CNOT3: variants seen among roughly 807,000 people sequenced by gnomAD.
CNOT3 encodes the protein CCR4-associated factor 3.
CNOT3 carries 2 observed loss-of-function variants against 89.4 expected under a neutral mutation model. The observed-to-expected ratio is 0.02, with a 90% confidence interval of 0.01 to 0.07. CNOT3 has a LOEUF of 0.07. CNOT3 is among the 10% of genes least tolerant of loss of function. CNOT3 has a pLI of 1.00. For synonymous variants in CNOT3, 486 were observed against 402.0 expected (o/e 1.21, Z -2.50); for missense variants, 664 against 1,010.2 (o/e 0.66, Z 4.65).
chr19:54,148,432 C>A lies in CNOT3; in HGVS notation c.1179C>A (p.Val393=). 1 of 1,566,634 alleles carries A rather than the reference C, an allele frequency of 6.4e-7. No homozygotes were observed. Among genetic ancestry groups the A allele is most frequent in the Non-Finnish European group, 8.7e-7 (1 of 1,154,410 alleles). The change falls in exon 11 of 18, where the codon GTC becomes GTA. Residue 393 remains valine, a synonymous_variant. Transcript: ENST00000221232. This position sits in a 1 kb window ranked among gnomAD's most constrained non-coding sequence, Gnocchi z 6.3. ...CGACCCAGCCCCGGCCCCCCAGCGT[C>A]CAGCCTAGCGGAGGCGGAGGCGGCG... ...PSTTQPRPPS[V]QPSGGGGGGS...
At chr19:54,147,604 C>T (rs2074752521) in intron 10 of CNOT3, among the ~76,000 whole-genome samples, 1 of 152,188 alleles carries the variant, frequency 6.6e-6, no homozygotes, top group Non-Finnish European at 1.5e-5. Context: ...AGCCCGAGTG[C>T]TGTCCGCAGA....
In CNOT3 at chr19:54,145,603, G is replaced by A. The variant is rs371650779; in HGVS notation, c.489G>A (p.Gln163=). ...TRKKKGDKDK[Q]DRIEGLKRHI... ...GGCCCTGGGCTCGCCAGCAGAAGCA[G>A]GACCGGATTGAGGGCTTGAAGCGGC... The change falls in exon 8 of 18, where the codon CAG becomes CAA. Residue 163 remains glutamine, a synonymous_variant. Coordinates refer to ENST00000221232, the MANE Select transcript of CNOT3 (RefSeq NM_014516.4). This position sits in a 1 kb window ranked among gnomAD's most constrained non-coding sequence, Gnocchi z 5.9. The A allele has an allele frequency of 4.3e-5, 70 of 1,613,212 alleles. No homozygotes were observed. The highest frequency in any genetic ancestry group is 5.6e-5 in the Non-Finnish European group (66 of 1,179,412).
intron 1 of CNOT3, chr19:54,142,713 C>G (rs2074502440): frequency 1.7e-6 from 1 of 590,272 alleles, no homozygotes; most frequent in Non-Finnish European, 3.0e-6. Context: ...TGTAACTTTT[C>G]TTGTTTCAAC....
rs988381010 is a variant in CNOT3, at chr19:54,144,823, T to C, written c.483+491T>C. 6.6e-6 allele frequency among the ~76,000 whole-genome samples: 1 copy of C among 151,970 alleles called. No homozygotes were observed. Among genetic ancestry groups the C allele is most frequent in the African/African-American group, 2.4e-5 (1 of 41,370 alleles). ...GGTCCCAGGTTCTAAAATCCGGGAT[T>C]GTGGGGTATGAGTTCAAAGGGATAC... is the stretch of plus-strand genomic sequence containing the variant. On this transcript the variant is annotated intron_variant, in intron 7 of 17. Coordinates refer to ENST00000221232, the MANE Select transcript of CNOT3 (RefSeq NM_014516.4). This position sits in a 1 kb window ranked among gnomAD's most constrained non-coding sequence, Gnocchi z 4.8.
intron 12 of CNOT3, 47 bp from the exon 13 acceptor site, chr19:54,149,513 C>T: frequency 7.6e-7 from 1 of 1,308,712 alleles, no homozygotes; most frequent in Non-Finnish European, 1.0e-6. Flanking sequence ...CCCATCCCAC[C>T]CTCAGGGACC....
Position 54,152,229 on chromosome 19 carries a change from C to T in CNOT3, c.1609C>T (p.Pro537Ser). Reference sequence around the variant, plus strand: ...AGGCCTCTTGTTTCCTCCCCAGGCCCCTGAGCCTCTGAGCTCCTTGAAGTC... The same window carrying T: ...AGGCCTCTTGTTTCCTCCCCAGGCCTCTGAGCCTCTGAGCTCCTTGAAGTC... ...QFSTAPEIKA[P>S]EPLSSLKSMA... Residue 537 changes from proline (P) to serine (S), a missense_variant, in exon 14 of 18, where the codon CCT (proline) becomes TCT (serine). Around this residue, in one of 8 missense-constraint regions of CNOT3, gnomAD observed 545 missense variants for 566.2 expected, o/e 0.96. Coordinates refer to ENST00000221232, the MANE Select transcript of CNOT3 (RefSeq NM_014516.4). 1 of 1,614,132 alleles carries T rather than the reference C, an allele frequency of 6.2e-7. No homozygotes were observed. The highest frequency in any genetic ancestry group is 8.5e-7 in the Non-Finnish European group (1 of 1,180,012).
Position 54,155,611 on chromosome 19 carries a change from C to G in CNOT3, c.*204C>G. On this transcript the variant is annotated 3_prime_UTR_variant, in exon 18 of 18. Transcript: ENST00000221232. ...GAGGGCTGCCCCCTCCTCCCCTCCC[C>G]AGTGAGGGACATTTTTTGGTAAACC... 5 of 1,196,904 alleles carry G rather than the reference C, an allele frequency of 4.2e-6. No individual in the cohort carries two copies. The highest frequency in any genetic ancestry group is 5.8e-6 in the Non-Finnish European group (5 of 855,784). The allele number at this position is 1,196,904 out of a possible 1,614,324, so 74.1% of individuals were successfully genotyped here.
Position 54,145,663 on chromosome 19 carries a change from A to G in CNOT3, c.549A>G (p.Leu183=), listed in dbSNP as rs1169766439. Residue 183 remains leucine, a synonymous_variant, in exon 8 of 18, where the codon CTA becomes CTG. Coordinates refer to ENST00000221232, the MANE Select transcript of CNOT3 (RefSeq NM_014516.4). The surrounding 1 kb of genome is among the most constrained non-coding windows in gnomAD (Gnocchi z 5.9). ...IEKHRYHVRM[L]ETILRMLDND... ...AGCACCGCTACCACGTGCGCATGCT[A>G]GAGACCATCCTGCGCATGCTGGACA... 1.2e-6 allele frequency: 2 copies of G among 1,613,394 alleles called. No homozygotes were observed. Among genetic ancestry groups the G allele is most frequent in the South Asian group, 1.1e-5 (1 of 91,074 alleles).
At chr19:54,142,045 C>T (rs2074470736) in intron 1 of CNOT3, 1 of 152,088 alleles carries the variant, frequency 6.6e-6, no homozygotes, top group African/African-American at 2.4e-5. Context: ...GGGTTCCTGC[C>T]CTGATGGTCT....
At chr19:54,143,056 G>A (rs2146563231) in intron 2 of CNOT3, 53 bp downstream of exon 2, 3 of 1,613,344 alleles carry the variant, frequency 1.9e-6, no homozygotes, top group Non-Finnish European at 2.5e-6. Flanking sequence ...CTCTTCTGAG[G>A]ACTGCTCTTT....
chr19:54,143,480 T>C lies in CNOT3; in HGVS notation c.132T>C (p.Tyr44=). Residue 44 remains tyrosine, a synonymous_variant, in exon 4 of 18, where the codon TAT becomes TAC. Coordinates refer to ENST00000221232, the MANE Select transcript of CNOT3 (RefSeq NM_014516.4). ...CCAACGCGAACCAGAAAGAAAAGTA[T>C]GAGGCTGACCTAAAGAAGGAGATTA... is the stretch of plus-strand genomic sequence containing the variant. ...NAANANQKEK[Y]EADLKKEIKK... is the part of the protein sequence containing the mutation. The C allele has an allele frequency of 6.2e-7, 1 of 1,613,834 alleles. No individual in the cohort carries two copies. Among genetic ancestry groups the C allele is most frequent in the Non-Finnish European group, 8.5e-7 (1 of 1,179,972 alleles).
intron 1 of CNOT3, among the ~76,000 whole-genome samples, chr19:54,140,876 C>A (rs2074421678): frequency 6.6e-6 from 1 of 152,204 alleles, no homozygotes; most frequent in African/African-American, 2.4e-5. Context: ...CCAGTCCTTT[C>A]CGTGTGGAGA....
rs181776360 is a variant in CNOT3, at chr19:54,152,266, G to A, written c.1646G>A (p.Arg549Gln). Residue 549 changes from arginine (R) to glutamine (Q), a missense_variant, in exon 14 of 18, where the codon CGG (arginine) becomes CAG (glutamine). Around this residue, in one of 8 missense-constraint regions of CNOT3, gnomAD observed 545 missense variants for 566.2 expected, o/e 0.96. Coordinates refer to ENST00000221232, the MANE Select transcript of CNOT3 (RefSeq NM_014516.4). Reference protein sequence around the residue: ...PLSSLKSMAERAAISSGIEDP... With the variant: ...PLSSLKSMAEQAAISSGIEDP... ...AGCTCCTTGAAGTCCATGGCGGAACGGGCAGCCATCAGCTCTGGCATTGAG... is the reference window on the plus strand; with the variant it reads ...AGCTCCTTGAAGTCCATGGCGGAACAGGCAGCCATCAGCTCTGGCATTGAG... 1.2e-5 allele frequency: 20 copies of A among 1,614,102 alleles called. No individual in the cohort carries two copies. Among genetic ancestry groups the A allele is most frequent in the African/African-American group, 4.0e-5 (3 of 75,020 alleles).
At position 54,149,580 on chromosome 19, in the gene CNOT3, C is replaced by G; in HGVS notation, c.1427C>G (p.Ala476Gly). 1 of 1,598,986 alleles carries G rather than the reference C, an allele frequency of 6.3e-7. No individual in the cohort carries two copies. Among genetic ancestry groups the G allele is most frequent in the Non-Finnish European group, 8.5e-7 (1 of 1,171,382 alleles). Reference protein sequence around the residue: ...PSTSKEPSAAAPTGAGGVAPG... With the variant: ...PSTSKEPSAAGPTGAGGVAPG... Reference sequence around the variant, plus strand: ...TCCAGGAAGGAACCCAGTGCGGCAGCCCCAACGGGGGCTGGGGGCGTGGCC... The same window carrying G: ...TCCAGGAAGGAACCCAGTGCGGCAGGCCCAACGGGGGCTGGGGGCGTGGCC... The change falls in exon 13 of 18, where the codon GCC becomes GGC. Residue 476 changes from alanine (A) to glycine (G), a missense_variant. This residue lies in a region of CNOT3 where 545 missense variants were observed against 566.2 expected (regional missense o/e 0.96). Coordinates refer to ENST00000221232, the MANE Select transcript of CNOT3 (RefSeq NM_014516.4).
intron 13 of CNOT3, 70 bp downstream of exon 13, chr19:54,149,828 C>T: frequency 7.1e-7 from 1 of 1,415,122 alleles, no homozygotes; most frequent in South Asian, 1.4e-5. Flanking sequence ...AGGTCTCTAG[C>T]TGCACCCCTT....
Position 54,143,468 on chromosome 19 carries a change from G to A in CNOT3, c.120G>A (p.Gln40=), listed in dbSNP as rs375143694. 8 of 1,613,918 alleles carry A rather than the reference G, an allele frequency of 5.0e-6. No individual in the cohort carries two copies. The Admixed American group carries it at 5.0e-5, about 10-fold the overall frequency. The change falls in exon 4 of 18, where the codon CAG becomes CAA. Residue 40 remains glutamine (Q), a synonymous_variant. Transcript: ENST00000221232. ...TCCACAATGCAGCCAACGCGAACCA[G>A]AAAGAAAAGTATGAGGCTGACCTAA... The part of the protein sequence containing the change: ...QKLHNAANAN[Q]KEKYEADLKK...
chr19:54,140,596 T>C (rs966950104), intron 1 of CNOT3, among the ~76,000 whole-genome samples: 1 of 152,068 alleles, frequency 6.6e-6, no homozygotes, highest in Non-Finnish European at 1.5e-5. Context: ...GGGGAAGGTG[T>C]TGTCTCTACT....
intron 13 of CNOT3, among the ~76,000 whole-genome samples, chr19:54,151,231 G>A (rs183571636): frequency 6.4e-4 from 98 of 152,302 alleles, no homozygotes; most frequent in African/African-American, 2.2e-3. Context: ...TGGGGTGGGT[G>A]GTCGGGAACC....
At chr19:54,146,085 G>C in intron 9 of CNOT3, 42 bp downstream of exon 9, 1 of 1,603,758 alleles carries the variant, frequency 6.2e-7, no homozygotes, top group East Asian at 2.2e-5. Flanking sequence ...TTTCCAGCAG[G>C]GCAGGACTCG....
Sources: allele counts gnomAD v4.1 joint callset (sites outside exome capture counted in the v4.1 genomes callset), GRCh38; gene constraint gnomAD v4.1.1; regional missense constraint gnomAD v4.1.1; non-coding constraint Gnocchi (gnomAD v3.1); transcripts MANE v1.5; gene names NCBI Gene and HGNC (gene_info 2026-07-23, HGNC 2026-07-21).